IQSEC3: variants seen among roughly 807,000 people sequenced by gnomAD.
The protein encoded by IQSEC3 is IQ motif and SEC7 domain-containing protein 3.
Under a neutral mutation model 105.4 loss-of-function variants are expected in IQSEC3, and 50 were observed. That is an observed-to-expected ratio of 0.47 (90% CI 0.38 to 0.60). The LOEUF is 0.60. Among genes scored for constraint, IQSEC3 ranks in the 20% least tolerant of loss-of-function variants. The pLI is 0.00. For missense variants in IQSEC3, 1,415 were observed against 1,630.0 expected, an observed-to-expected ratio of 0.87 and a Z score of 2.27; for synonymous variants, 708 against 746.0, an observed-to-expected ratio of 0.95 and a Z score of 0.83.
chr12:116,644 T>G (rs1865058495), intron 2 of IQSEC3, among the ~76,000 whole-genome samples: 1 of 152,252 alleles, frequency 6.6e-6, no homozygotes, highest in African/African-American at 2.4e-5. Context: ...ATCTTTCCAG[T>G]CTTGCCAGCA....
intron 2 of IQSEC3, among the ~76,000 whole-genome samples, chr12:110,326 C>T (rs1368458104): frequency 6.6e-6 from 1 of 151,970 alleles, no homozygotes; most frequent in African/African-American, 2.4e-5. Flanking sequence ...TCCTAAAAGG[C>T]CTTGCCCTAC....
At chr12:67,771 TG>T (rs1863155222) in intron 1 of IQSEC3, among the ~76,000 whole-genome samples, 1 of 148,830 alleles carries the variant, frequency 6.7e-6, no homozygotes, top group Non-Finnish European at 1.5e-5. Flanking sequence ...AAGATTAAAC[TG>T]TAGAAAAGAG....
chr12:126,055 C>T (rs1479917857), intron 3 of IQSEC3, 143 bp downstream of exon 3: 25 of 876,620 alleles, frequency 2.9e-5, no homozygotes, highest in Non-Finnish European at 3.9e-5. Context: ...CATTGAGCGA[C>T]CTAGTTTGCC....
At chr12:165,272 C>T (rs1867110063) in intron 9 of IQSEC3, 162 bp from the exon 10 acceptor site, 2 of 638,870 alleles carry the variant, frequency 3.1e-6, no homozygotes, top group Non-Finnish European at 2.8e-6. Flanking sequence ...TGAAGAAGCA[C>T]ATTTTGGGAT....
chr12:68,602 A>G (rs116482254), intron 1 of IQSEC3, among the ~76,000 whole-genome samples: 3,836 of 152,092 alleles, frequency 0.025, 69 homozygotes, highest in African/African-American at 0.078. Flanking sequence ...AACTAAACAA[A>G]GAACAGTTCA....
chr12:79,001 C>T (rs1302376328), intron 1 of IQSEC3, among the ~76,000 whole-genome samples: 1 of 152,216 alleles, frequency 6.6e-6, no homozygotes, highest in African/African-American at 2.4e-5. Context: ...TATTTGAAGG[C>T]AGATAGCCAT....
At chr12:76,269 C>T (rs1555069092) in intron 1 of IQSEC3, among the ~76,000 whole-genome samples, 1 of 152,246 alleles carries the variant, frequency 6.6e-6, no homozygotes, top group African/African-American at 2.4e-5. Context: ...CAGCAGCACC[C>T]AGATTCCAGG....
intron 2 of IQSEC3, among the ~76,000 whole-genome samples, chr12:114,834 C>A (rs55718013): frequency 0.25 from 37,406 of 152,194 alleles, 5,273 homozygotes; most frequent in Non-Finnish European, 0.32. Flanking sequence ...ATGCCAGGAT[C>A]TCTAAGGCTT....
At chr12:136,020 A>T (rs547308919) in intron 3 of IQSEC3, among the ~76,000 whole-genome samples, 2 of 152,344 alleles carry the variant, frequency 1.3e-5, no homozygotes, top group South Asian at 4.1e-4. Flanking sequence ...ACAGCAATAG[A>T]TGAGGAATAC....
chr12:96,703 T>G (rs1555074810), intron 1 of IQSEC3, among the ~76,000 whole-genome samples: 1 of 152,202 alleles, frequency 6.6e-6, no homozygotes, highest in East Asian at 1.9e-4. Flanking sequence ...TGTTTTAATG[T>G]TTTTTGTTAA....
At chr12:135,082 A>G (rs1865719753) in intron 3 of IQSEC3, among the ~76,000 whole-genome samples, 1 of 152,222 alleles carries the variant, frequency 6.6e-6, no homozygotes, top group African/African-American at 2.4e-5. Flanking sequence ...GTGAGCCGAG[A>G]TCGTGCCACT....
chr12:150,028 G>A (rs1202206133), intron 5 of IQSEC3, among the ~76,000 whole-genome samples: 1 of 152,186 alleles, frequency 6.6e-6, no homozygotes, highest in Non-Finnish European at 1.5e-5. Context: ...TTTGGAGGCA[G>A]GGAGACTGGT....
At chr12:155,586 C>G (rs183563029) in intron 5 of IQSEC3, among the ~76,000 whole-genome samples, 1 of 152,196 alleles carries the variant, frequency 6.6e-6, no homozygotes, top group Non-Finnish European at 1.5e-5. Flanking sequence ...TCCACTGTGG[C>G]GTCTCCCCTT....
At chr12:171,936 G>A (rs1939022317) in intron 13 of IQSEC3, among the ~76,000 whole-genome samples, 1 of 152,064 alleles carries the variant, frequency 6.6e-6, no homozygotes, top group Non-Finnish European at 1.5e-5. Context: ...AACCCCCCCA[G>A]TGCCACCTAT....
At chr12:72,651 C>A (rs1863364163) in intron 1 of IQSEC3, among the ~76,000 whole-genome samples, 1 of 107,654 alleles carries the variant, frequency 9.3e-6, no homozygotes, top group African/African-American at 2.8e-5. Context: ...TGGAAAAGCA[C>A]AAAGTGCAGG....
chr12:129,342 G>C (rs1384973710), intron 3 of IQSEC3, among the ~76,000 whole-genome samples: 1 of 152,200 alleles, frequency 6.6e-6, no homozygotes, highest in Non-Finnish European at 1.5e-5. Context: ...TGGGCACCTA[G>C]GAACTGCTCA....
intron 12 of IQSEC3, among the ~76,000 whole-genome samples, chr12:169,903 G>A (rs1459829258): frequency 6.6e-6 from 1 of 152,308 alleles, no homozygotes; most frequent in South Asian, 2.1e-4. Context: ...AACACTTCTC[G>A]AATGGCTGCT....
chr12:157,488 C>T lies in IQSEC3; in HGVS notation c.2277-40C>T, dbSNP rs1294641794. ...TTTGTTGGGCCCGGGGGAGGGTGGG[C>T]GGGGGCTCAGCGTCCGCTCTGCATC... On this transcript the variant is annotated intron_variant, in intron 6 of 13. Coordinates refer to ENST00000538872, the MANE Select transcript of IQSEC3 (RefSeq NM_001170738.2). 8 of 1,186,028 alleles carry T rather than the reference C, an allele frequency of 6.7e-6. No individual in the cohort carries two copies. In the African/African-American group the frequency reaches 8.7e-5, roughly 13 times the overall value. The allele number at this position is 1,186,028 out of a possible 1,614,324, so 73.5% of individuals were successfully genotyped here.
Position 154,907 on chromosome 12 carries a change from G to C in IQSEC3, c.2154-2118G>C, listed in dbSNP as rs140738481. On this transcript the variant is annotated intron_variant, in intron 5 of 13. Coordinates refer to ENST00000538872, the MANE Select transcript of IQSEC3 (RefSeq NM_001170738.2). The stretch of plus-strand genomic sequence containing the variant: ...CTCTCTGTCGAATTAGACTTTCCTT[G>C]TCCTTCGCTGCCCCGCCCCATCTCT... Among the ~76,000 whole-genome samples, 310 of 151,634 alleles carry C rather than the reference G, an allele frequency of 2.0e-3. 2 individuals carry two copies. Among genetic ancestry groups the C allele is most frequent in the African/African-American group, 7.0e-3 (289 of 41,214 alleles).
Sources: gnomAD v4.1 joint callset for allele counts (sites outside exome capture counted in the v4.1 genomes callset) on GRCh38, gnomAD v4.1.1 for gene constraint, MANE v1.5 for transcripts, NCBI Gene and HGNC (gene_info 2026-07-23, HGNC 2026-07-21) for gene names.